MMRN1: variants seen among roughly 807,000 people sequenced by gnomAD.
MMRN1 encodes multimerin 1, also known as multimerin-1.
MMRN1 carries 94 observed loss-of-function variants against 100.7 expected under a neutral mutation model. That is an observed-to-expected ratio of 0.93 (90% CI 0.79 to 1.11). The LOEUF is 1.11. Ranked by LOEUF, MMRN1 falls within the 50% of genes least tolerant of loss-of-function variation. The pLI, the probability that MMRN1 is intolerant of heterozygous loss-of-function variation, is 0.00. For missense variants in MMRN1, 1,606 were observed against 1,439.1 expected, an observed-to-expected ratio of 1.12 and a Z score of -1.88; for synonymous variants, 575 against 505.0, an observed-to-expected ratio of 1.14 and a Z score of -1.86.
At chr4:89,911,039 A>T (rs1217981446) in intron 2 of MMRN1, among the ~76,000 whole-genome samples, 1 of 151,362 alleles carries the variant, frequency 6.6e-6, no homozygotes, top group Admixed American at 6.6e-5. Flanking sequence ...GAGTTATTTC[A>T]TCTCTCTGTT....
intron 1 of MMRN1, among the ~76,000 whole-genome samples, chr4:89,900,665 G>A (rs1251061133): frequency 6.6e-6 from 1 of 152,064 alleles, no homozygotes; most frequent in African/African-American, 2.4e-5. Flanking sequence ...GCCTAGAACA[G>A]TGCCAGGTGC....
rs747124745 is a variant in MMRN1 at position 89,895,531 on chromosome 4, G to A, written c.560G>A (p.Gly187Asp). The A allele has an allele frequency of 5.0e-6, 8 of 1,613,790 alleles. No homozygotes were observed. Among genetic ancestry groups the A allele is most frequent in the Non-Finnish European group, 5.1e-6 (6 of 1,179,874 alleles). ...CCACGGGAAACATACCTCAGCCGGGGTGACAGCAGTTCCAGCCAAAGAACT... is the reference window on the plus strand; with the variant it reads ...CCACGGGAAACATACCTCAGCCGGGATGACAGCAGTTCCAGCCAAAGAACT... ...RAPRETYLSR[G>D]DSSSSQRTDY... The change falls in exon 1 of 8, where the codon GGT becomes GAT. Residue 187 changes from glycine (G) to aspartate (D), a missense_variant. Physicochemically the swap from Gly to Asp is moderately conservative, Grantham distance 94. Coordinates refer to ENST00000264790, the MANE Select transcript of MMRN1 (RefSeq NM_007351.3).
intron 2 of MMRN1, among the ~76,000 whole-genome samples, chr4:89,910,458 G>A (rs750073727): frequency 6.6e-6 from 1 of 150,656 alleles, no homozygotes; most frequent in African/African-American, 2.4e-5. Context: ...TCTTTTTTAT[G>A]CCTTCTGAGT....
In MMRN1 at chr4:89,936,718, C is replaced by T; in HGVS notation, c.3038C>T (p.Ala1013Val). 6.2e-7 allele frequency: 1 copy of T among 1,613,300 alleles called. No individual in the cohort carries two copies. The highest frequency in any genetic ancestry group is 8.5e-7 in the Non-Finnish European group (1 of 1,179,570). Residue 1013 changes from alanine (A) to valine (V), a missense_variant, in exon 6 of 8, where the codon GCA becomes GTA. Transcript: ENST00000264790. ...QVKSLPKKIN[A>V]LKKPTVNLTT... The stretch of plus-strand genomic sequence containing the variant: ...AAATCATTGCCAAAGAAAATTAACG[C>T]ACTTAAGAAACCAACGGTAAATCTT...
intron 3 of MMRN1, among the ~76,000 whole-genome samples, chr4:89,915,709 A>T (rs1445794958): frequency 1.3e-5 from 2 of 151,562 alleles, no homozygotes; most frequent in Admixed American, 1.3e-4. Flanking sequence ...TTGCAAGGGG[A>T]AAAAAAGAGA....
chr4:89,931,768 A>G (rs890431322), intron 5 of MMRN1, among the ~76,000 whole-genome samples: 1 of 152,156 alleles, frequency 6.6e-6, no homozygotes, highest in African/African-American at 2.4e-5. Context: ...ACAGCATGGG[A>G]AAAATCCCTC....
chr4:89,951,432 A>T lies in MMRN1; in HGVS notation c.3119-173A>T. On this transcript the variant is annotated intron_variant, in intron 6 of 7. Transcript: ENST00000264790. ...TGAAGGAGATAGAGAGATCAGAGCT[A>T]AGGGATTTGCATGACGTCCTGTGCC... 5.8e-6 allele frequency: 3 copies of T among 513,572 alleles called. No homozygotes were observed. In the South Asian group the frequency reaches 1.4e-4, roughly 25 times the overall value. The allele number at this position is 513,572 out of a possible 1,614,324, so 31.8% of individuals were successfully genotyped here. A position where few individuals can be genotyped will look rare whatever the true frequency, so the allele number is the denominator to read the frequency against.
chr4:89,935,504 G>A lies in MMRN1; in HGVS notation c.1824G>A (p.Lys608=), dbSNP rs1553924454. Residue 608 remains lysine, a synonymous_variant, in exon 6 of 8, where the codon AAG becomes AAA. Coordinates refer to ENST00000264790, the MANE Select transcript of MMRN1 (RefSeq NM_007351.3). ...KCRNDFKFQL[K]DTEENLHVLN... is the part of the protein sequence containing the mutation. The stretch of plus-strand genomic sequence containing the variant: ...GAAATGATTTTAAATTTCAACTTAA[G>A]GACACAGAAGAGAATTTACATGTGT... 1 of 1,613,354 alleles carries A rather than the reference G, an allele frequency of 6.2e-7. No homozygotes were observed. Among genetic ancestry groups the A allele is most frequent in the East Asian group, 2.2e-5 (1 of 44,818 alleles).
At chr4:89,943,672 T>C (rs569302746) in intron 6 of MMRN1, among the ~76,000 whole-genome samples, 34 of 152,280 alleles carry the variant, frequency 2.2e-4, no homozygotes, top group African/African-American at 6.5e-4. Flanking sequence ...CTCAGAAAGC[T>C]TTGTAATTTT....
At chr4:89,927,336 T>G (rs1294874992) in intron 4 of MMRN1, among the ~76,000 whole-genome samples, 2 of 152,142 alleles carry the variant, frequency 1.3e-5, no homozygotes, top group Non-Finnish European at 2.9e-5. Flanking sequence ...TTCCACTTCT[T>G]TGGTTAATTG....
chr4:89,909,420 C>G, intron 2 of MMRN1, 25 bp downstream of exon 2: 1 of 1,606,534 alleles, frequency 6.2e-7, no homozygotes, highest in Non-Finnish European at 8.5e-7. Flanking sequence ...TTGAAAATAG[C>G]CACTGTTTTT....
chr4:89,913,885 T>A (rs1044356668), intron 3 of MMRN1, among the ~76,000 whole-genome samples: 1 of 151,438 alleles, frequency 6.6e-6, no homozygotes, highest in Non-Finnish European at 1.5e-5. Flanking sequence ...AATGTTCCAA[T>A]GGCAGATATG....
At chr4:89,903,259 A>G (rs1721448603) in intron 1 of MMRN1, among the ~76,000 whole-genome samples, 1 of 151,786 alleles carries the variant, frequency 6.6e-6, no homozygotes, top group African/African-American at 2.4e-5. Flanking sequence ...TTTTAGCTTG[A>G]TTGGAAAAAA....
At position 89,935,270 on chromosome 4, in the gene MMRN1, G is replaced by A. The variant is rs771050421; in HGVS notation, c.1590G>A (p.Lys530=). 1.2e-6 allele frequency: 2 copies of A among 1,613,796 alleles called. No homozygotes were observed. The highest frequency in any genetic ancestry group is 1.1e-5 in the South Asian group (1 of 91,076). ...CAACTGAACAGGTATCAGACCAGAAGAATGCTCCAGCTGCTGAGTCAGTTA... is the reference window on the plus strand; with the variant it reads ...CAACTGAACAGGTATCAGACCAGAAAAATGCTCCAGCTGCTGAGTCAGTTA... ...LLSTEQVSDQ[K]NAPAAESVSN... is the part of the protein sequence containing the mutation. The change falls in exon 6 of 8, where the codon AAG becomes AAA. Residue 530 remains lysine (K), a synonymous_variant. Transcript: ENST00000264790.
chr4:89,921,330 T>G (rs1056741387), intron 3 of MMRN1, among the ~76,000 whole-genome samples: 80 of 152,078 alleles, frequency 5.3e-4, no homozygotes, highest in African/African-American at 1.2e-3. Flanking sequence ...AAGTTCTACC[T>G]CCAAAAGTTT....
At position 89,931,071 on chromosome 4, in the gene MMRN1, A is replaced by G. The variant is rs189835181; in HGVS notation, c.1129+3103A>G. Reference sequence around the variant, plus strand: ...CATGTTTTGTTTTCTTTTTTCCATTACATACAAATTGATCTTTGGACTTTT... The same window carrying G: ...CATGTTTTGTTTTCTTTTTTCCATTGCATACAAATTGATCTTTGGACTTTT... On this transcript the variant is annotated intron_variant, in intron 5 of 7. Coordinates refer to ENST00000264790, the MANE Select transcript of MMRN1 (RefSeq NM_007351.3). Among the ~76,000 whole-genome samples, 975 of 152,164 alleles carry G rather than the reference A, an allele frequency of 6.4e-3. 13 individuals are homozygous for G. The highest frequency in any genetic ancestry group is 0.022 in the African/African-American group (906 of 41,530).
At chr4:89,888,250 G>A (rs181702127) in intron 1 of MMRN1, among the ~76,000 whole-genome samples, 2 of 151,788 alleles carry the variant, frequency 1.3e-5, no homozygotes, top group Non-Finnish European at 2.9e-5. Flanking sequence ...ATTCTTTCAC[G>A]TTTTACCTAT....
intron 1 of MMRN1, among the ~76,000 whole-genome samples, chr4:89,887,950 C>T (rs1720973106): frequency 6.6e-6 from 1 of 151,850 alleles, no homozygotes; most frequent in Non-Finnish European, 1.5e-5. Context: ...CTCTCTTCTT[C>T]TTTATTTCCT....
At position 89,889,774 on chromosome 4, in the gene MMRN1, A is replaced by T. The variant is rs550068974; in HGVS notation, c.-248-4950A>T. 6.6e-5 allele frequency among the ~76,000 whole-genome samples: 10 copies of T among 152,210 alleles called. No homozygotes were observed. The South Asian group carries it at 1.9e-3, about 28-fold the overall frequency. On this transcript the variant is annotated intron_variant, in intron 1 of 8. Coordinates refer to the MMRN1 transcript ENST00000394980. ...TAGGGTGGGAATTCCTCCCTCACCA[A>T]TGGGGTGAAGAGAGGATGATTAAAA...
Sources: allele counts gnomAD v4.1 joint callset (sites outside exome capture counted in the v4.1 genomes callset), GRCh38; gene constraint gnomAD v4.1.1; transcripts MANE v1.5; gene names NCBI Gene and HGNC (gene_info 2026-07-23, HGNC 2026-07-21).